PDE10A: variants seen among roughly 807,000 people sequenced by gnomAD.
PDE10A encodes phosphodiesterase 10A.
Under a neutral mutation model 97.7 loss-of-function variants are expected in PDE10A, and 39 were observed. That is an observed-to-expected ratio of 0.40 (90% confidence interval 0.31 to 0.52). The LOEUF is 0.52. PDE10A is among the 20% of genes least tolerant of loss of function. The pLI, the probability that PDE10A is intolerant of heterozygous loss-of-function variation, is 0.56. For missense variants in PDE10A, 731 were observed against 1,047.8 expected, an observed-to-expected ratio of 0.70 and a Z score of 4.17; for synonymous variants, 371 against 376.8, an observed-to-expected ratio of 0.98 and a Z score of 0.18.
chr6:165,442,748 C>T (rs527443739), intron 5 of PDE10A, among the ~76,000 whole-genome samples: 97 of 152,140 alleles, frequency 6.4e-4, no homozygotes, highest in Non-Finnish European at 1.2e-3. Flanking sequence ...AATATCATGT[C>T]CTTCTCATAT....
At chr6:165,544,861 T>C (rs551989982) in intron 1 of PDE10A, among the ~76,000 whole-genome samples, 14 of 149,560 alleles carry the variant, frequency 9.4e-5, no homozygotes, top group Admixed American at 2.7e-4. Flanking sequence ...ACAAATAGAG[T>C]TGTATAAGAC....
intron 1 of PDE10A, among the ~76,000 whole-genome samples, chr6:165,941,219 C>T (rs1485197769): frequency 1.3e-5 from 2 of 152,116 alleles, no homozygotes; most frequent in African/African-American, 4.8e-5. Context: ...CAGATGATAC[C>T]AGTAAAACAC....
chr6:165,747,744 G>A (rs1461354331), intron 1 of PDE10A, among the ~76,000 whole-genome samples: 1 of 152,184 alleles, frequency 6.6e-6, no homozygotes, highest in East Asian at 1.9e-4. Context: ...GCAGCATGCT[G>A]GGCAGCTGGG....
intron 1 of PDE10A, among the ~76,000 whole-genome samples, chr6:165,635,474 T>C (rs531245515): frequency 6.6e-6 from 1 of 151,066 alleles, no homozygotes; most frequent in South Asian, 2.1e-4. Flanking sequence ...GGGGTGTGAG[T>C]GTGTGTGTGT....
chr6:165,559,238 G>A (rs1052053953), intron 1 of PDE10A, among the ~76,000 whole-genome samples: 1 of 152,144 alleles, frequency 6.6e-6, no homozygotes, highest in Non-Finnish European at 1.5e-5. Flanking sequence ...CCCATAGGAC[G>A]GCTATATGGT....
chr6:165,778,138 G>C (rs916677624), intron 1 of PDE10A, among the ~76,000 whole-genome samples: 5 of 151,818 alleles, frequency 3.3e-5, no homozygotes, highest in Non-Finnish European at 7.4e-5. Context: ...GCAGTGGCAC[G>C]ATCTCAGTTC....
At chr6:165,673,043 C>G (rs1790691929) in intron 1 of PDE10A, among the ~76,000 whole-genome samples, 1 of 151,954 alleles carries the variant, frequency 6.6e-6, no homozygotes, top group Admixed American at 6.6e-5. Flanking sequence ...AGAGCCCACA[C>G]CACTCCTAGC....
At chr6:165,492,626 G>C (rs1209464837) in intron 2 of PDE10A, among the ~76,000 whole-genome samples, 2 of 152,056 alleles carry the variant, frequency 1.3e-5, no homozygotes, top group African/African-American at 4.8e-5. Flanking sequence ...AAAAGCATTT[G>C]ACAAAATCCA....
chr6:165,559,683 C>G (rs1029235459), intron 1 of PDE10A, among the ~76,000 whole-genome samples: 2 of 152,128 alleles, frequency 1.3e-5, no homozygotes, highest in Non-Finnish European at 2.9e-5. Context: ...CTCTGTGTCC[C>G]CACCCACATC....
intron 18 of PDE10A, among the ~76,000 whole-genome samples, chr6:165,357,306 T>C (rs1783090061): frequency 2.0e-5 from 3 of 152,196 alleles, no homozygotes; most frequent in South Asian, 4.1e-4. Flanking sequence ...CAGTTATATA[T>C]GGTCATGAGT....
chr6:165,765,288 C>T (rs1195061886), intron 1 of PDE10A, among the ~76,000 whole-genome samples: 7 of 152,290 alleles, frequency 4.6e-5, no homozygotes, highest in Non-Finnish European at 1.0e-4. Flanking sequence ...TGCGCTCTCA[C>T]TCCTCAGCCC....
chr6:165,683,768 G>T (rs1233728523), intron 1 of PDE10A, among the ~76,000 whole-genome samples: 2 of 152,072 alleles, frequency 1.3e-5, no homozygotes, highest in African/African-American at 2.4e-5. Flanking sequence ...AACCAAAGAT[G>T]GTACCTTTGT....
At chr6:165,595,952 G>A (rs964614040) in intron 1 of PDE10A, among the ~76,000 whole-genome samples, 5 of 152,160 alleles carry the variant, frequency 3.3e-5, no homozygotes, top group Non-Finnish European at 4.4e-5. Context: ...TGGGGCTGGG[G>A]AGGACAAATA....
chr6:165,848,786 G>A (rs563088590), intron 1 of PDE10A, among the ~76,000 whole-genome samples: 515 of 152,220 alleles, frequency 3.4e-3, no homozygotes, highest in Non-Finnish European at 5.2e-3. Context: ...GTTAATCAGC[G>A]ACTTCAAGAT....
rs182363983 is a variant in PDE10A at position 165,955,196 on chromosome 6, C to T, written c.-615+32333G>A. ...ACAATCCCCAAGTTCTCCACATAGC[C>T]CGAGGGTCAAGGTCGTGCTCGGTGT... On this transcript the variant is annotated intron_variant, in intron 1 of 19. Coordinates refer to the PDE10A transcript ENST00000366882. 2.6e-5 allele frequency among the ~76,000 whole-genome samples: 4 copies of T among 152,250 alleles called. No individual in the cohort carries two copies. The East Asian group carries it at 7.8e-4, about 30-fold the overall frequency.
intron 2 of PDE10A, among the ~76,000 whole-genome samples, chr6:165,508,129 T>C (rs76821212): frequency 0.044 from 6,716 of 152,096 alleles, 198 homozygotes; most frequent in Non-Finnish European, 0.066. Flanking sequence ...AGTTAAAAGG[T>C]TGCAAAGTTC....
At chr6:165,730,622 G>T (rs145229089) in intron 1 of PDE10A, among the ~76,000 whole-genome samples, 1 of 151,644 alleles carries the variant, frequency 6.6e-6, no homozygotes, top group African/African-American at 2.4e-5. Context: ...GCATGGTAGC[G>T]CATGCCTCTA....
chr6:165,979,176 G>A (rs1784934367), intron 1 of PDE10A, among the ~76,000 whole-genome samples: 1 of 152,184 alleles, frequency 6.6e-6, no homozygotes, highest in African/African-American at 2.4e-5. Flanking sequence ...TACAGGCTTG[G>A]GGCCTGCTGT....
In PDE10A at chr6:165,662,109, C is replaced by A. The variant is rs548240188; in HGVS notation, c.703G>T (p.Gly235Cys). Reference sequence around the variant, plus strand: ...TGGCCGCCGCCGCCTGGGCCGGCGCCGGGGAAGCCGGGGGAGCCCGCGCGG... The same window carrying A: ...TGGCCGCCGCCGCCTGGGCCGGCGCAGGGGAAGCCGGGGGAGCCCGCGCGG... ...ARRAGSPGFP[G>C]AGPGGGGQTP... The change falls in exon 1 of 22, where the codon GGC (glycine) becomes TGC (cysteine). Residue 235 changes from glycine (G) to cysteine (C), a missense_variant. Around this residue, in one of 8 missense-constraint regions of PDE10A, gnomAD observed 181 missense variants for 159.1 expected, o/e 1.14. Coordinates refer to ENST00000539869, the MANE Select transcript of PDE10A (RefSeq NM_001385079.1). 4,628 of 1,045,980 alleles carry A rather than the reference C, an allele frequency of 4.4e-3. 176 individuals are homozygous for A. In the African/African-American group the frequency reaches 0.071, roughly 16 times the overall value. The allele number at this position is 1,045,980 out of a possible 1,614,324, so 64.8% of individuals were successfully genotyped here.
Sources: gnomAD v4.1 joint callset for allele counts (sites outside exome capture counted in the v4.1 genomes callset) on GRCh38, gnomAD v4.1.1 for gene constraint, gnomAD v4.1.1 regional missense constraint, MANE v1.5 for transcripts, NCBI Gene and HGNC (gene_info 2026-07-23, HGNC 2026-07-21) for gene names.